Variants in SHANK2 observed in about 807,000 individuals in gnomAD.
SHANK2 encodes SH3 and multiple ankyrin repeat domains 2.
In SHANK2, 43 loss-of-function variants were observed where a neutral mutation model predicts 133.7. The observed-to-expected ratio is 0.32, with a 90% CI of 0.25 to 0.41. The LOEUF is 0.41. Ranked by LOEUF, SHANK2 falls within the 10% of genes least tolerant of loss-of-function variation. The pLI is 1.00. For missense variants in SHANK2, 1,994 were observed against 2,235.8 expected (o/e 0.89, Z 2.18); for synonymous variants, 1,017 against 952.8 (o/e 1.07, Z -1.24).
chr11:71,191,678 G>T (rs2135583121), intron 2 of SHANK2, among the ~76,000 whole-genome samples: 1 of 152,050 alleles, frequency 6.6e-6, no homozygotes. Flanking sequence ...TCCTGCCTTA[G>T]CCTCCCAGTA....
At chr11:70,631,404 A>ACACCCACACC (rs1427488425) in intron 17 of SHANK2, among the ~76,000 whole-genome samples, 1 of 149,280 alleles carries the variant, frequency 6.7e-6, no homozygotes, top group African/African-American at 2.5e-5. Context: ...ACACACACAC[A>ACACCCACACC]CACACCCACA....
At position 71,101,769 on chromosome 11, in the gene SHANK2, G is replaced by A. The variant is rs1555096669; in HGVS notation, c.593-7081C>T. Reference sequence around the variant, plus strand: ...TGCTCAGTGCACTGGGACCCAGAATGTCCTCGAGGCCTCCTAACTGAGCGG... The same window carrying A: ...TGCTCAGTGCACTGGGACCCAGAATATCCTCGAGGCCTCCTAACTGAGCGG... On this transcript the variant is annotated intron_variant, in intron 6 of 25. Transcript: ENST00000601538. 2.6e-5 allele frequency among the ~76,000 whole-genome samples: 4 copies of A among 152,224 alleles called. No individual in the cohort carries two copies. In the East Asian group the frequency reaches 7.7e-4, roughly 29 times the overall value.
chr11:70,721,247 G>A (rs1440019699), intron 14 of SHANK2, among the ~76,000 whole-genome samples: 1 of 152,252 alleles, frequency 6.6e-6, no homozygotes, highest in Non-Finnish European at 1.5e-5. Flanking sequence ...ACCTAGTGGG[G>A]CTGTGAGGGT....
intron 2 of SHANK2, among the ~76,000 whole-genome samples, chr11:71,210,718 C>T (rs558598600): frequency 6.6e-6 from 1 of 152,206 alleles, no homozygotes; most frequent in African/African-American, 2.4e-5. Flanking sequence ...TCAGTGGATA[C>T]CAAGAGACCC....
rs1371630671 is a variant in SHANK2 at position 71,113,383 on chromosome 11, A to G, written c.412-19T>C. 2 of 1,550,526 alleles carry G rather than the reference A, an allele frequency of 1.3e-6. No homozygotes were observed. The highest frequency in any genetic ancestry group is 1.4e-5 in the African/African-American group (1 of 73,136). ...ATCGAAACTGGCACAGAAAACAAAAAAGAGAGAGAAAACAAGTCAATACTT... is the reference window on the plus strand; with the variant it reads ...ATCGAAACTGGCACAGAAAACAAAAGAGAGAGAGAAAACAAGTCAATACTT... On this transcript the variant is annotated intron_variant, in intron 4 of 25. Coordinates refer to ENST00000601538, the MANE Select transcript of SHANK2 (RefSeq NM_012309.5).
chr11:71,103,484 A>G (rs113977029), intron 6 of SHANK2, among the ~76,000 whole-genome samples: 4,170 of 152,334 alleles, frequency 0.027, 82 homozygotes, highest in African/African-American at 0.052. Context: ...GCAGCCCGCC[A>G]AAGCCAACTC....
chr11:70,856,821 A>G (rs1949179701), intron 11 of SHANK2, among the ~76,000 whole-genome samples: 1 of 152,156 alleles, frequency 6.6e-6, no homozygotes, highest in Admixed American at 6.5e-5. Context: ...GAATTCAAAC[A>G]TCTGCCAATC....
At chr11:70,608,000 C>T (rs922987936) in intron 17 of SHANK2, among the ~76,000 whole-genome samples, 5 of 152,242 alleles carry the variant, frequency 3.3e-5, no homozygotes, top group African/African-American at 1.2e-4. Flanking sequence ...GGCTGAGTGG[C>T]TTGCCCAGAG....
intron 12 of SHANK2, among the ~76,000 whole-genome samples, chr11:70,817,306 C>T (rs1948419608): frequency 6.6e-6 from 1 of 152,192 alleles, no homozygotes; most frequent in African/African-American, 2.4e-5. Flanking sequence ...GTTCCTCCTA[C>T]AGCACAGCTA....
At chr11:70,861,660 GTT>G (rs1949260470) in intron 11 of SHANK2, among the ~76,000 whole-genome samples, 1 of 152,160 alleles carries the variant, frequency 6.6e-6, no homozygotes, top group South Asian at 2.1e-4. Flanking sequence ...AGGGCCTGGG[GTT>G]TGTTTCTTTG....
intron 15 of SHANK2, among the ~76,000 whole-genome samples, chr11:70,692,784 T>C (rs1485029542): frequency 6.6e-6 from 1 of 152,208 alleles, no homozygotes; most frequent in African/African-American, 2.4e-5. Flanking sequence ...TCGAAAGCCA[T>C]GAAAATAGGG....
intron 17 of SHANK2, among the ~76,000 whole-genome samples, chr11:70,642,045 T>C: frequency 6.6e-6 from 1 of 152,174 alleles, no homozygotes; most frequent in East Asian, 1.9e-4. Context: ...GGGGACTGGG[T>C]ACCAGGATGG....
chr11:70,848,033 G>A (rs368815120), intron 11 of SHANK2, among the ~76,000 whole-genome samples: 7 of 152,200 alleles, frequency 4.6e-5, no homozygotes, highest in Admixed American at 6.5e-5. Context: ...CAATGCCTGC[G>A]GTAGGAAGGG....
At chr11:71,204,353 G>C (rs782475449) in intron 2 of SHANK2, among the ~76,000 whole-genome samples, 1 of 152,162 alleles carries the variant, frequency 6.6e-6, no homozygotes, top group Non-Finnish European at 1.5e-5. Flanking sequence ...CTGATGGTGC[G>C]GCTTGGTAGG....
intron 1 of SHANK2, among the ~76,000 whole-genome samples, chr11:71,229,065 A>C (rs537414521): frequency 6.6e-6 from 1 of 152,332 alleles, no homozygotes; most frequent in Admixed American, 6.5e-5. Context: ...ACTCTCCCCA[A>C]AACAAGATGG....
chr11:70,920,299 G>T (rs1188733680), intron 10 of SHANK2, among the ~76,000 whole-genome samples: 4 of 152,142 alleles, frequency 2.6e-5, no homozygotes, highest in African/African-American at 9.7e-5. Flanking sequence ...TTGCTATGTT[G>T]CCCAGGCTGG....
chr11:70,893,621 G>T (rs373692503), intron 11 of SHANK2, among the ~76,000 whole-genome samples: 1 of 152,172 alleles, frequency 6.6e-6, no homozygotes, highest in Admixed American at 6.5e-5. Context: ...TCATAATCAC[G>T]AACCCTTAGA....
intron 12 of SHANK2, among the ~76,000 whole-genome samples, chr11:70,817,907 G>A (rs1245115548): frequency 1.3e-5 from 2 of 152,122 alleles, no homozygotes; most frequent in Non-Finnish European, 2.9e-5. Flanking sequence ...ACTAATTTTT[G>A]TATTTTTAGT....
intron 11 of SHANK2, among the ~76,000 whole-genome samples, chr11:70,828,386 T>C (rs1948677660): frequency 6.6e-6 from 1 of 152,224 alleles, no homozygotes; most frequent in Admixed American, 6.5e-5. Flanking sequence ...CGGGGTGACA[T>C]TCTCACCCTA....
Sources: allele counts gnomAD v4.1 joint callset (sites outside exome capture counted in the v4.1 genomes callset), GRCh38; gene constraint gnomAD v4.1.1; transcripts MANE v1.5; gene names NCBI Gene and HGNC (gene_info 2026-07-23, HGNC 2026-07-21).